Variants in IGF1R observed in about 807,000 individuals in gnomAD.
IGF1R encodes the protein insulin-like growth factor 1 receptor.
In IGF1R, 44 loss-of-function variants were observed where a neutral mutation model predicts 144.6. The ratio of observed to expected loss-of-function variants is 0.30; its 90% CI spans 0.24 to 0.39. The LOEUF (loss-of-function observed/expected upper bound fraction) is 0.39, where lower values mean the gene tolerates loss of function less well. Among genes scored for constraint, IGF1R ranks in the 10% least tolerant of loss-of-function variants. The pLI, the probability that IGF1R is intolerant of heterozygous loss-of-function variation, is 1.00. For missense variants in IGF1R, 1,355 were observed against 1,833.7 expected, an observed-to-expected ratio of 0.74 and a Z score of 4.77; for synonymous variants, 795 against 722.8, an observed-to-expected ratio of 1.10 and a Z score of -1.60.
At chr15:98,939,508 T>C (rs2016286608) in intron 18 of IGF1R, 148 bp downstream of exon 18, 3 of 816,276 alleles carry the variant, frequency 3.7e-6, no homozygotes, top group Non-Finnish European at 4.2e-6. Context: ...TTGTCTCCAG[T>C]TGATGGTCAC....
chr15:98,817,876 T>C (rs2056727899), intron 2 of IGF1R, among the ~76,000 whole-genome samples: 1 of 152,220 alleles, frequency 6.6e-6, no homozygotes, highest in South Asian at 2.1e-4. Flanking sequence ...CAGTCTTGCC[T>C]CTGCCTACTT....
At chr15:98,701,129 G>A (rs574641090) in intron 1 of IGF1R, among the ~76,000 whole-genome samples, 44 of 151,960 alleles carry the variant, frequency 2.9e-4, no homozygotes, top group South Asian at 2.1e-3. Context: ...ATAGTATGCC[G>A]CTTACTGAGA....
chr15:98,784,225 G>A (rs1475938866), intron 2 of IGF1R, among the ~76,000 whole-genome samples: 7 of 151,888 alleles, frequency 4.6e-5, no homozygotes, highest in African/African-American at 1.5e-4. Flanking sequence ...GTGAGCCACC[G>A]TGCCCGGCCC....
intron 19 of IGF1R, among the ~76,000 whole-genome samples, chr15:98,948,047 G>T (rs1438042727): frequency 6.6e-6 from 1 of 152,148 alleles, no homozygotes; most frequent in Non-Finnish European, 1.5e-5. Context: ...CTGTGCAGCC[G>T]GCAGTGAGAA....
At chr15:98,900,916 G>A (rs1259743648) in intron 5 of IGF1R, among the ~76,000 whole-genome samples, 1 of 151,924 alleles carries the variant, frequency 6.6e-6, no homozygotes, top group African/African-American at 2.4e-5. Context: ...GTTGCTTAAT[G>A]ATATACTTTT....
intron 2 of IGF1R, among the ~76,000 whole-genome samples, chr15:98,878,693 A>AAAAAAAAAAC (rs1567174382): frequency 7.9e-5 from 10 of 126,150 alleles, no homozygotes; most frequent in African/African-American, 3.6e-4. Flanking sequence ...AAAAAAAAAA[A>AAAAAAAAAAC]AACAACAACA....
rs967881948 is a variant in IGF1R at position 98,964,203 on chromosome 15, T to TA, written c.*6770dup. 7.3e-5 allele frequency: 17 copies of TA among 231,554 alleles called. No homozygotes were observed. Among genetic ancestry groups the TA allele is most frequent in the Non-Finnish European group, 1.0e-4 (12 of 117,038 alleles). 14.3% of individuals were successfully genotyped at this position (231,554 alleles called of 1,614,324 possible). On this transcript the variant is annotated 3_prime_UTR_variant, in exon 21 of 21. Transcript: ENST00000650285. ...TAATGCATTTTCTGAGTTTTCTTGT[T>TA]AAAAAAAAATTTTTTTAAGTAAGAA...
At chr15:98,894,513 C>T (rs2014081457) in intron 3 of IGF1R, among the ~76,000 whole-genome samples, 1 of 152,228 alleles carries the variant, frequency 6.6e-6, no homozygotes, top group South Asian at 2.1e-4. Flanking sequence ...CATTGAAGTA[C>T]ACTACTTGGA....
At chr15:98,758,418 G>A (rs2055211420) in intron 2 of IGF1R, among the ~76,000 whole-genome samples, 1 of 152,066 alleles carries the variant, frequency 6.6e-6, no homozygotes, top group South Asian at 2.1e-4. Flanking sequence ...GCCGATGGCT[G>A]CCCTCAGCCG....
At chr15:98,954,870 A>G (rs2016917637) in intron 20 of IGF1R, among the ~76,000 whole-genome samples, 1 of 152,176 alleles carries the variant, frequency 6.6e-6, no homozygotes, top group African/African-American at 2.4e-5. Context: ...TATCAATGCA[A>G]ACCACATCCC....
Position 98,959,634 on chromosome 15 carries a change from C to G in IGF1R, c.*2192C>G, listed in dbSNP as rs2017146113. 4.3e-6 allele frequency: 1 copy of G among 233,616 alleles called. No individual in the cohort carries two copies. The highest frequency in any genetic ancestry group is 8.5e-6 in the Non-Finnish European group (1 of 117,988). The allele number at this position is 233,616 out of a possible 1,614,324, so 14.5% of individuals were successfully genotyped here. ...ATCCAGGTCCTTGGGGCCCAGGGGT[C>G]TTGTCTTGTTTCATTTTTAGCACTT... is the stretch of plus-strand genomic sequence containing the variant. On this transcript the variant is annotated 3_prime_UTR_variant, in exon 21 of 21. Coordinates refer to ENST00000650285, the MANE Select transcript of IGF1R (RefSeq NM_000875.5).
At chr15:98,824,637 C>T (rs2056858937) in intron 2 of IGF1R, among the ~76,000 whole-genome samples, 1 of 152,136 alleles carries the variant, frequency 6.6e-6, no homozygotes, top group Non-Finnish European at 1.5e-5. Flanking sequence ...AAAGGCTGGG[C>T]CCTTGTCTCC....
In IGF1R at chr15:98,908,647, A is replaced by C. The variant is rs1226256222; in HGVS notation, c.1248-38A>C. The C allele has an allele frequency of 2.6e-6, 4 of 1,559,422 alleles. No individual in the cohort carries two copies. In the African/African-American group the frequency reaches 5.4e-5, roughly 21 times the overall value. The stretch of plus-strand genomic sequence containing the variant: ...CAGCAGGCTAGAGGGGACTGTGGCC[A>C]AGGGCAGGTGCGCTAACATCGATTT... On this transcript the variant is annotated intron_variant, in intron 5 of 20. Coordinates refer to ENST00000650285, the MANE Select transcript of IGF1R (RefSeq NM_000875.5).
At chr15:98,829,261 C>T (rs979317932) in intron 2 of IGF1R, among the ~76,000 whole-genome samples, 2 of 152,076 alleles carry the variant, frequency 1.3e-5, no homozygotes, top group Non-Finnish European at 2.9e-5. Context: ...CCCCTTCACA[C>T]CTTTCGTGTT....
At chr15:98,802,562 T>C (rs1216649020) in intron 2 of IGF1R, among the ~76,000 whole-genome samples, 1 of 152,216 alleles carries the variant, frequency 6.6e-6, no homozygotes, top group Admixed American at 6.5e-5. Context: ...GTGTACAGGA[T>C]TTGAACTTAA....
At chr15:98,815,608 A>G (rs1420559098) in intron 2 of IGF1R, among the ~76,000 whole-genome samples, 1 of 152,162 alleles carries the variant, frequency 6.6e-6, no homozygotes, top group Non-Finnish European at 1.5e-5. Flanking sequence ...GAGGGAGGAA[A>G]GAGACTGGGC....
At position 98,899,639 on chromosome 15, in the gene IGF1R, C is replaced by T. The variant is rs932492756; in HGVS notation, c.1247+18C>T. The T allele has an allele frequency of 6.2e-7, 1 of 1,612,870 alleles. No individual in the cohort carries two copies. Among genetic ancestry groups the T allele is most frequent in the East Asian group, 2.2e-5 (1 of 44,870 alleles). ...CTAGAAGGGTAAGTGCCCCAAATTT[C>T]ATGAGCTGACGTTCTATTACAAAAT... On this transcript the variant is annotated intron_variant, in intron 5 of 20. Transcript: ENST00000650285.
At chr15:98,877,342 C>G (rs554435562) in intron 2 of IGF1R, among the ~76,000 whole-genome samples, 2 of 151,992 alleles carry the variant, frequency 1.3e-5, no homozygotes, top group African/African-American at 4.8e-5. Context: ...ACCCAGGACA[C>G]GAAGAGAAGT....
chr15:98,753,280 G>A (rs1017119550), intron 2 of IGF1R, among the ~76,000 whole-genome samples: 28 of 148,974 alleles, frequency 1.9e-4, no homozygotes, highest in Non-Finnish European at 3.6e-4. Flanking sequence ...GCAGTGGCAC[G>A]ATCTCGGCTC....
Sources: gnomAD v4.1 joint callset for allele counts (sites outside exome capture counted in the v4.1 genomes callset) on GRCh38, gnomAD v4.1.1 for gene constraint, MANE v1.5 for transcripts, NCBI Gene and HGNC (gene_info 2026-07-23, HGNC 2026-07-21) for gene names.